CFTR: variants seen among roughly 807,000 people sequenced by gnomAD.
CFTR encodes CF transmembrane conductance regulator, also known as cystic fibrosis transmembrane conductance regulator.
A neutral mutation model predicts 171.6 loss-of-function variants in CFTR; 181 were observed. That is an observed-to-expected ratio of 1.05 (90% CI 0.93 to 1.19). The LOEUF (loss-of-function observed/expected upper bound fraction) is 1.19, where lower values mean the gene tolerates loss of function less well. Among genes scored for constraint, CFTR ranks in the 50% most tolerant of loss-of-function variants. CFTR has a pLI of 0.00. For missense variants in CFTR, 1,968 were observed against 1,734.7 expected, an observed-to-expected ratio of 1.13 and a Z score of -2.39; for synonymous variants, 583 against 608.0, an observed-to-expected ratio of 0.96 and a Z score of 0.60.
intron 22 of CFTR, among the ~76,000 whole-genome samples, chr7:117,630,025 A>G (rs1792717267): frequency 6.6e-6 from 1 of 152,208 alleles, no homozygotes; most frequent in Non-Finnish European, 1.5e-5. Flanking sequence ...GAAGAGAGAA[A>G]GTTTCTGTCC....
chr7:117,509,103 C>T lies in CFTR; in HGVS notation c.234C>T (p.Phe78=), dbSNP rs1250121182. The T allele has an allele frequency of 2.5e-6, 4 of 1,611,496 alleles. No homozygotes were observed. Among genetic ancestry groups the T allele is most frequent in the Non-Finnish European group, 3.4e-6 (4 of 1,177,844 alleles). Residue 78 remains phenylalanine, a synonymous_variant, in exon 3 of 27, where the codon TTC becomes TTT. Transcript: ENST00000003084. ...TTAATGCCCTTCGGCGATGTTTTTT[C>T]TGGAGATTTATGTTCTATGGAATCT... is the stretch of plus-strand genomic sequence containing the variant. ...KLINALRRCF[F]WRFMFYGIFL... is the part of the protein sequence containing the mutation.
intron 20 of CFTR, among the ~76,000 whole-genome samples, chr7:117,612,427 A>G (rs1339572130): frequency 6.6e-6 from 1 of 152,106 alleles, no homozygotes. Flanking sequence ...TTTCAAATAC[A>G]AATGTTCTGG....
intron 11 of CFTR, among the ~76,000 whole-genome samples, chr7:117,563,936 T>TA (rs1002075507): frequency 1.3e-5 from 2 of 152,144 alleles, no homozygotes; most frequent in African/African-American, 4.8e-5. Context: ...TCTTGTATTT[T>TA]AAAAAAATGT....
In CFTR at chr7:117,606,695, C is replaced by G. The variant is rs141033578; in HGVS notation, c.2930C>G (p.Ser977Cys). The G allele has an allele frequency of 6.3e-7, 1 of 1,587,538 alleles. No homozygotes were observed. Among genetic ancestry groups the G allele is most frequent in the Non-Finnish European group, 8.6e-7 (1 of 1,156,302 alleles). The change falls in exon 18 of 27, where the codon TCC (serine) becomes TGC (cysteine). Residue 977 changes from serine to cysteine, a missense_variant. Coordinates refer to ENST00000003084, the MANE Select transcript of CFTR (RefSeq NM_000492.4). Reference protein sequence around the residue: ...LKAGGILNRFSKDIAILDDLL... With the variant: ...LKAGGILNRFCKDIAILDDLL... ...ATAGGTGGGATTCTTAATAGATTCT[C>G]CAAAGATATAGCAATTTTGGATGAC...
At chr7:117,499,146 C>T (rs1798282088) in intron 1 of CFTR, among the ~76,000 whole-genome samples, 1 of 152,004 alleles carries the variant, frequency 6.6e-6, no homozygotes, top group African/African-American at 2.4e-5. Context: ...GTTTTCTACA[C>T]TAAAAATCAT....
intron 22 of CFTR, among the ~76,000 whole-genome samples, chr7:117,641,769 A>G (rs1372395954): frequency 3.9e-5 from 6 of 152,188 alleles, no homozygotes; most frequent in Non-Finnish European, 5.9e-5. Flanking sequence ...GGTAACAAGA[A>G]TAATTTTCTT....
intron 20 of CFTR, among the ~76,000 whole-genome samples, chr7:117,612,719 T>G (rs1335227896): frequency 2.0e-5 from 3 of 151,864 alleles, no homozygotes; most frequent in African/African-American, 4.8e-5. Flanking sequence ...ACCGAGAAGG[T>G]GGTGCCATTC....
chr7:117,540,520 C>T (rs1356903857), intron 8 of CFTR, among the ~76,000 whole-genome samples, 174 bp downstream of exon 8: 1 of 152,178 alleles, frequency 6.6e-6, no homozygotes, highest in Non-Finnish European at 1.5e-5. Flanking sequence ...CTTTTCCTAG[C>T]ATTTCTCTGG....
intron 4 of CFTR, among the ~76,000 whole-genome samples, chr7:117,533,722 T>TA (rs1215053979): frequency 6.6e-6 from 1 of 152,180 alleles, no homozygotes; most frequent in Non-Finnish European, 1.5e-5. Context: ...AATAAGTAGA[T>TA]AAAAAATAAT....
rs879200254 is a variant in CFTR at position 117,667,368 on chromosome 7, C to T, written c.*260C>T. 2.2e-6 allele frequency: 1 copy of T among 447,570 alleles called. No individual in the cohort carries two copies. The highest frequency in any genetic ancestry group is 2.0e-5 in the African/African-American group (1 of 50,178). 27.7% of individuals were successfully genotyped at this position (447,570 alleles called of 1,614,324 possible). ...TTGAAGATTTACCACTTGTGTTTTG[C>T]AAGCCAGATTTTCCTGAAAACCCTT... On this transcript the variant is annotated 3_prime_UTR_variant, in exon 27 of 27. Coordinates refer to ENST00000003084, the MANE Select transcript of CFTR (RefSeq NM_000492.4).
chr7:117,538,759 G>A (rs1562891665), intron 7 of CFTR, among the ~76,000 whole-genome samples: 1 of 151,982 alleles, frequency 6.6e-6, no homozygotes, highest in African/African-American at 2.4e-5. Flanking sequence ...GGCATAAGCT[G>A]TAACTGGCAG....
intron 3 of CFTR, among the ~76,000 whole-genome samples, chr7:117,518,813 T>C (rs527938750): frequency 2.0e-5 from 3 of 152,078 alleles, no homozygotes; most frequent in Non-Finnish European, 2.9e-5. Flanking sequence ...GTATATATGC[T>C]ATAAGCAAAT....
chr7:117,545,274 C>A (rs1047955147), intron 9 of CFTR, among the ~76,000 whole-genome samples: 3 of 152,212 alleles, frequency 2.0e-5, no homozygotes, highest in African/African-American at 7.2e-5. Flanking sequence ...TTATCTCCCA[C>A]TGGGTCCCTC....
chr7:117,650,561 G>A (rs761461433), intron 23 of CFTR, among the ~76,000 whole-genome samples: 10 of 152,198 alleles, frequency 6.6e-5, no homozygotes, highest in Non-Finnish European at 1.3e-4. Flanking sequence ...TGTTGATGCC[G>A]TAACATCTTT....
chr7:117,498,816 G>GTTT (rs772063224), intron 1 of CFTR, among the ~76,000 whole-genome samples: 2 of 121,328 alleles, frequency 1.6e-5, no homozygotes, highest in South Asian at 2.6e-4. Flanking sequence ...TTCAACATTT[G>GTTT]TTTTTTTTTT....
chr7:117,649,473 C>CATAT (rs144652339), intron 23 of CFTR, among the ~76,000 whole-genome samples: 1 of 135,588 alleles, frequency 7.4e-6, no homozygotes, highest in African/African-American at 2.9e-5. Context: ...TATATCTGTA[C>CATAT]ATATATATAT....
At position 117,603,563 on chromosome 7, in the gene CFTR, C is replaced by T. The variant is rs567934887; in HGVS notation, c.2689C>T (p.His897Tyr). 6 of 1,613,942 alleles carry T rather than the reference C, an allele frequency of 3.7e-6. No individual in the cohort carries two copies. The South Asian group carries it at 6.6e-5, about 18-fold the overall frequency. Residue 897 changes from histidine to tyrosine, a missense_variant, in exon 17 of 27, where the codon CAT becomes TAT. Transcript: ENST00000003084. Reference protein sequence around the residue: ...TPLQDKGNSTHSRNNSYAVII... With the variant: ...TPLQDKGNSTYSRNNSYAVII... Reference sequence around the variant, plus strand: ...TCTTCAAGACAAAGGGAATAGTACTCATAGTAGAAATAACAGCTATGCAGT... The same window carrying T: ...TCTTCAAGACAAAGGGAATAGTACTTATAGTAGAAATAACAGCTATGCAGT...
rs201124247 is a variant in CFTR, at chr7:117,592,008, A to G, written c.1841A>G (p.Asp614Gly). 8.8e-6 allele frequency: 14 copies of G among 1,592,664 alleles called. No homozygotes were observed. In the Admixed American group the frequency reaches 1.1e-4, roughly 13 times the overall value. Residue 614 changes from aspartate to glycine, a missense_variant, in exon 14 of 27, where the codon GAC becomes GGC. Transcript: ENST00000003084. ...TSKMEHLKKA[D>G]KILILHEGSS... is the part of the protein sequence containing the mutation. ...AAAATGGAACATTTAAAGAAAGCTG[A>G]CAAAATATTAATTTTGCATGAAGGT...
chr7:117,540,357 A>G lies in CFTR; in HGVS notation c.1116+11A>G. 1 of 1,609,930 alleles carries G rather than the reference A, an allele frequency of 6.2e-7. No individual in the cohort carries two copies. Among genetic ancestry groups the G allele is most frequent in the Non-Finnish European group, 8.5e-7 (1 of 1,176,388 alleles). ...ATAAACAAAATACAGGTAATGTACC[A>G]TAATGCTGCATTATATACTATGATT... On this transcript the variant is annotated intron_variant, in intron 8 of 26. Transcript: ENST00000003084.
Sources: gnomAD v4.1 joint callset for allele counts (sites outside exome capture counted in the v4.1 genomes callset) on GRCh38, gnomAD v4.1.1 for gene constraint, MANE v1.5 for transcripts, NCBI Gene and HGNC (gene_info 2026-07-23, HGNC 2026-07-21) for gene names.